ARHGAP24: variants seen among roughly 807,000 people sequenced by gnomAD.
ARHGAP24 encodes Rho GTPase activating protein 24.
A neutral mutation model predicts 76.4 loss-of-function variants in ARHGAP24; 50 were observed. The ratio of observed to expected loss-of-function variants is 0.65; its 90% confidence interval spans 0.52 to 0.83. The LOEUF is 0.83. Ranked by LOEUF, ARHGAP24 falls within the 40% of genes least tolerant of loss-of-function variation. The pLI, the probability that ARHGAP24 is intolerant of heterozygous loss-of-function variation, is 0.00. For missense variants in ARHGAP24, 930 were observed against 914.2 expected (o/e 1.02, Z -0.22); for synonymous variants, 345 against 323.3 (o/e 1.07, Z -0.72).
intron 1 of ARHGAP24, among the ~76,000 whole-genome samples, chr4:85,545,572 C>G (rs1230191920): frequency 6.6e-6 from 1 of 152,216 alleles, no homozygotes; most frequent in Non-Finnish European, 1.5e-5. Flanking sequence ...GCGCAAGAGA[C>G]AGCTTCTGAG....
chr4:85,908,235 A>G (rs1467118350), intron 3 of ARHGAP24, among the ~76,000 whole-genome samples: 1 of 152,186 alleles, frequency 6.6e-6, no homozygotes, highest in Non-Finnish European at 1.5e-5. Context: ...TTAACAGATG[A>G]TACTCCTTAC....
intron 3 of ARHGAP24, among the ~76,000 whole-genome samples, chr4:85,746,177 C>T (rs1726027611): frequency 6.6e-6 from 1 of 152,188 alleles, no homozygotes; most frequent in African/African-American, 2.4e-5. Context: ...AAAGGGCAAG[C>T]TAGGGAATTG....
chr4:85,679,493 G>A (rs1412723319), intron 2 of ARHGAP24, among the ~76,000 whole-genome samples: 1 of 152,138 alleles, frequency 6.6e-6, no homozygotes, highest in Admixed American at 6.6e-5. Context: ...TTTCTTCAGA[G>A]AAGTCACCCC....
intron 1 of ARHGAP24, among the ~76,000 whole-genome samples, chr4:85,530,841 A>G (rs893669332): frequency 6.6e-6 from 1 of 152,044 alleles, no homozygotes; most frequent in African/African-American, 2.4e-5. Flanking sequence ...TAGGCACTTA[A>G]CATATTTTGT....
chr4:85,696,528 C>G (rs78262290), intron 2 of ARHGAP24, among the ~76,000 whole-genome samples: 1 of 152,326 alleles, frequency 6.6e-6, no homozygotes, highest in East Asian at 1.9e-4. Flanking sequence ...ATTTCAGATT[C>G]ATGAATTGTT....
At chr4:85,583,766 CA>C (rs1390015373) in intron 2 of ARHGAP24, among the ~76,000 whole-genome samples, 1 of 149,826 alleles carries the variant, frequency 6.7e-6, no homozygotes, top group Non-Finnish European at 1.5e-5. Flanking sequence ...AAAACCCCAT[CA>C]AAAAGTGGGC....
chr4:85,568,169 G>A (rs1260649879), intron 1 of ARHGAP24, among the ~76,000 whole-genome samples: 2 of 152,068 alleles, frequency 1.3e-5, no homozygotes, highest in Non-Finnish European at 2.9e-5. Context: ...ATGGTAGGTT[G>A]CTAATAACCT....
In ARHGAP24 at chr4:85,689,411, G is replaced by T. The variant is rs149073069; in HGVS notation, c.181-32474G>T. ...TAAATTTTTAATTTTTTTTGAAACA[G>T]AGTCTTGCTCTGTCACCCAGGCTGG... On this transcript the variant is annotated intron_variant, in intron 2 of 9. Coordinates refer to ENST00000395184, the MANE Select transcript of ARHGAP24 (RefSeq NM_001025616.3). 5.0e-3 allele frequency among the ~76,000 whole-genome samples: 767 copies of T among 152,138 alleles called. 7 individuals carry two copies. The highest frequency in any genetic ancestry group is 0.017 in the African/African-American group (719 of 41,494).
At chr4:85,610,884 C>T (rs1284742150) in intron 2 of ARHGAP24, among the ~76,000 whole-genome samples, 4 of 151,988 alleles carry the variant, frequency 2.6e-5, no homozygotes, top group South Asian at 2.1e-4. Context: ...CTGGATTTGT[C>T]GAGGCTCTTG....
intron 1 of ARHGAP24, among the ~76,000 whole-genome samples, chr4:85,535,466 G>T (rs1725431480): frequency 1.3e-5 from 2 of 152,184 alleles, no homozygotes; most frequent in African/African-American, 4.8e-5. Context: ...GCTCAGGGAG[G>T]TCTAGAGATA....
intron 2 of ARHGAP24, among the ~76,000 whole-genome samples, chr4:85,668,161 A>G (rs545148118): frequency 1.3e-4 from 20 of 152,352 alleles, no homozygotes; most frequent in African/African-American, 3.8e-4. Flanking sequence ...TGAGTTCCTT[A>G]TTAAACTACA....
chr4:85,635,532 A>G (rs1034378446), intron 2 of ARHGAP24, among the ~76,000 whole-genome samples: 4 of 151,876 alleles, frequency 2.6e-5, no homozygotes, highest in African/African-American at 9.7e-5. Context: ...CTGAAATTCT[A>G]TGAAATCTAT....
intron 5 of ARHGAP24, among the ~76,000 whole-genome samples, chr4:85,970,219 G>C (rs916030988): frequency 2.0e-5 from 3 of 152,144 alleles, no homozygotes; most frequent in Non-Finnish European, 2.9e-5. Context: ...AAGGACAGGA[G>C]GCTTCCTCCC....
chr4:85,720,871 T>G (rs758140394), intron 2 of ARHGAP24, among the ~76,000 whole-genome samples: 9 of 152,224 alleles, frequency 5.9e-5, no homozygotes, highest in South Asian at 2.1e-4. Flanking sequence ...GAAAGTCAAG[T>G]CACTGAAAAG....
intron 1 of ARHGAP24, among the ~76,000 whole-genome samples, chr4:85,564,411 G>GGGGA (rs1553914895): frequency 2.0e-5 from 3 of 148,020 alleles, no homozygotes; most frequent in Non-Finnish European, 3.0e-5. Flanking sequence ...GGGGAGCGGG[G>GGGGA]GGGATAGCAT....
chr4:85,978,043 A>G (rs976835628), intron 8 of ARHGAP24, among the ~76,000 whole-genome samples: 3 of 152,242 alleles, frequency 2.0e-5, no homozygotes, highest in Admixed American at 2.0e-4. Flanking sequence ...CAGTTAATAT[A>G]CATTTTTATT....
chr4:85,656,103 C>T (rs1722161186), intron 2 of ARHGAP24, among the ~76,000 whole-genome samples: 1 of 152,030 alleles, frequency 6.6e-6, no homozygotes, highest in Non-Finnish European at 1.5e-5. Flanking sequence ...ATCCTATATT[C>T]TTGGATCAAA....
At chr4:85,897,125 CA>C (rs1254558814) in intron 3 of ARHGAP24, among the ~76,000 whole-genome samples, 1 of 152,106 alleles carries the variant, frequency 6.6e-6, no homozygotes, top group Non-Finnish European at 1.5e-5. Flanking sequence ...TTGAATGTCC[CA>C]CTGTCTCTTC....
chr4:85,976,092 A>G (rs532107452), intron 7 of ARHGAP24, among the ~76,000 whole-genome samples: 1 of 152,364 alleles, frequency 6.6e-6, no homozygotes, highest in South Asian at 2.1e-4. Context: ...ATTCTCCTTA[A>G]GTAAAAGGGA....
Sources: allele counts gnomAD v4.1 joint callset (sites outside exome capture counted in the v4.1 genomes callset), GRCh38; gene constraint gnomAD v4.1.1; transcripts MANE v1.5; gene names NCBI Gene and HGNC (gene_info 2026-07-23, HGNC 2026-07-21).